The following OSBPL9 variants were observed in gnomAD, a reference collection of about 807,000 sequenced individuals.
The protein encoded by OSBPL9 is oxysterol-binding protein-related protein 9.
A neutral mutation model predicts 106.6 loss-of-function variants in OSBPL9; 40 were observed. That is an observed-to-expected ratio of 0.38 (90% confidence interval 0.29 to 0.49). OSBPL9 has a LOEUF of 0.49. OSBPL9 is among the 20% of genes least tolerant of loss of function. The pLI is 0.97. For missense variants in OSBPL9, 609 were observed against 887.2 expected, an observed-to-expected ratio of 0.69 and a Z score of 3.98; for synonymous variants, 269 against 295.4, an observed-to-expected ratio of 0.91 and a Z score of 0.92.
At chr1:51,527,911 G>A in the OSBPL9 span, among the ~76,000 whole-genome samples, 4 of 150,708 alleles carry the variant, frequency 2.7e-5, no homozygotes, top group Non-Finnish European at 4.4e-5. Flanking sequence ...TCAGGAGTTC[G>A]AGACCAGCCT....
chr1:51,644,162 G>A (rs1436041437), intron 1 of OSBPL9, among the ~76,000 whole-genome samples: 3 of 151,112 alleles, frequency 2.0e-5, no homozygotes, highest in Admixed American at 2.0e-4. Flanking sequence ...GTGGTTGATG[G>A]TAGAGATGAG....
chr1:51,770,601 T>C (rs1040255204), intron 12 of OSBPL9, among the ~76,000 whole-genome samples: 3 of 152,212 alleles, frequency 2.0e-5, no homozygotes, highest in South Asian at 2.1e-4. Context: ...TTAATGATCA[T>C]TTGATTTCTC....
At chr1:51,533,954 C>T in the OSBPL9 span, among the ~76,000 whole-genome samples, 3 of 147,118 alleles carry the variant, frequency 2.0e-5, no homozygotes, top group Non-Finnish European at 4.4e-5. Context: ...CACGTGTAAT[C>T]CCAGCACTTT....
the OSBPL9 span, among the ~76,000 whole-genome samples, chr1:51,552,978 C>G: frequency 4.0e-5 from 6 of 150,396 alleles, no homozygotes; most frequent in African/African-American, 1.5e-4. Context: ...AAAAAAAAAA[C>G]AAACTTTTTT....
At position 51,627,510 on chromosome 1, in the gene OSBPL9, G is replaced by A. The variant is rs180968515; in HGVS notation, c.111+10289G>A. 1.7e-3 allele frequency among the ~76,000 whole-genome samples: 229 copies of A among 134,660 alleles called. 2 individuals carry two copies. The highest frequency in any genetic ancestry group is 5.4e-3 in the African/African-American group (216 of 40,182). The allele number at this position is 134,660 out of a possible 152,430, so 88.3% of individuals were successfully genotyped here. On this transcript the variant is annotated intron_variant, in intron 1 of 23. Coordinates refer to ENST00000428468, the MANE Select transcript of OSBPL9 (RefSeq NM_024586.6). ...CATTGACTTATTTGTCTGTACTTACGCCTGTACTATACTGTCTCAATTACT... is the reference window on the plus strand; with the variant it reads ...CATTGACTTATTTGTCTGTACTTACACCTGTACTATACTGTCTCAATTACT...
At chr1:51,598,992 CAAAAA>C (rs986127011) in intron 2 of OSBPL9, among the ~76,000 whole-genome samples, 3 of 66,892 alleles carry the variant, frequency 4.5e-5, no homozygotes, top group Non-Finnish European at 9.6e-5. Context: ...GACTCTGTCT[CAAAAA>C]AAAAAAAAAA....
intron 15 of OSBPL9, among the ~76,000 whole-genome samples, chr1:51,778,370 G>C (rs1017089328): frequency 1.3e-5 from 2 of 152,028 alleles, no homozygotes; most frequent in Non-Finnish European, 2.9e-5. Context: ...AAAAAAGCAG[G>C]ATTTATCTAT....
At chr1:51,628,411 C>T (rs1644899464) in intron 1 of OSBPL9, among the ~76,000 whole-genome samples, 2 of 151,772 alleles carry the variant, frequency 1.3e-5, no homozygotes, top group Admixed American at 6.6e-5. Flanking sequence ...AGTCATCTGG[C>T]TTTGGGAAGT....
chr1:51,653,985 G>T (rs1324333728), intron 2 of OSBPL9, among the ~76,000 whole-genome samples: 1 of 151,188 alleles, frequency 6.6e-6, no homozygotes, highest in Non-Finnish European at 1.5e-5. Flanking sequence ...CTGGGTGACA[G>T]AGTGAGACCC....
chr1:51,680,502 GA>G (rs551551666), intron 3 of OSBPL9, among the ~76,000 whole-genome samples: 7 of 150,398 alleles, frequency 4.7e-5, no homozygotes, highest in African/African-American at 1.5e-4. Flanking sequence ...TAAAAAAAAA[GA>G]AAAAAAAATT....
intron 3 of OSBPL9, among the ~76,000 whole-genome samples, chr1:51,701,642 GT>G (rs969142939): frequency 2.1e-4 from 30 of 140,204 alleles, no homozygotes; most frequent in Admixed American, 3.4e-4. Context: ...CAAAATACTG[GT>G]TTTTTTTGTT....
chr1:51,781,445 C>T, intron 16 of OSBPL9, 110 bp downstream of exon 16: 1 of 1,106,988 alleles, frequency 9.0e-7, no homozygotes, highest in Non-Finnish European at 1.3e-6. Flanking sequence ...TGGTCACCAC[C>T]CATAGAAGAA....
At chr1:51,647,723 G>GT (rs1209214697) in intron 1 of OSBPL9, among the ~76,000 whole-genome samples, 2 of 151,630 alleles carry the variant, frequency 1.3e-5, no homozygotes, top group South Asian at 4.2e-4. Flanking sequence ...TGGTAATAAT[G>GT]TTTTTTTTCT....
intron 2 of OSBPL9, among the ~76,000 whole-genome samples, chr1:51,608,275 C>T (rs904951769): frequency 1.3e-5 from 2 of 151,934 alleles, no homozygotes; most frequent in Non-Finnish European, 1.5e-5. Flanking sequence ...GCACCAGCTG[C>T]GACCAATTAT....
intron 3 of OSBPL9, 149 bp downstream of exon 3, chr1:51,669,661 A>C (rs1340439220): frequency 1.7e-6 from 1 of 587,706 alleles, no homozygotes; most frequent in Non-Finnish European, 3.1e-6. Flanking sequence ...GTGGTACTGC[A>C]GGTTAGGCAG....
chr1:51,715,334 C>T (rs1018398522), intron 4 of OSBPL9, among the ~76,000 whole-genome samples: 2 of 152,166 alleles, frequency 1.3e-5, no homozygotes, highest in Admixed American at 6.5e-5. Flanking sequence ...TTTGTAATTC[C>T]TGTAGATTTC....
intron 1 of OSBPL9, among the ~76,000 whole-genome samples, chr1:51,593,391 T>A (rs1338609372): frequency 6.6e-6 from 1 of 152,074 alleles, no homozygotes; most frequent in Non-Finnish European, 1.5e-5. Context: ...TTCACTAGTT[T>A]CCCACTGCCT....
chr1:51,742,026 G>A (rs1667037708), intron 4 of OSBPL9, among the ~76,000 whole-genome samples: 1 of 152,244 alleles, frequency 6.6e-6, no homozygotes, highest in South Asian at 2.1e-4. Context: ...AAAGAGAACA[G>A]AAAGGTAAGA....
At chr1:51,732,803 C>T (rs1001223130) in intron 4 of OSBPL9, among the ~76,000 whole-genome samples, 2 of 152,196 alleles carry the variant, frequency 1.3e-5, no homozygotes, top group Admixed American at 1.3e-4. Flanking sequence ...TGTTTTGGCT[C>T]CTCCTTGCCA....
Sources: allele counts gnomAD v4.1 joint callset (sites outside exome capture counted in the v4.1 genomes callset), GRCh38; gene constraint gnomAD v4.1.1; transcripts MANE v1.5; gene names NCBI Gene and HGNC (gene_info 2026-07-23, HGNC 2026-07-21).